MAMDC2: variants seen among roughly 807,000 people sequenced by gnomAD.
MAMDC2 encodes MAM domain-containing protein 2.
Under a neutral mutation model 89.8 loss-of-function variants are expected in MAMDC2, and 57 were observed. That is an observed-to-expected ratio of 0.63 (90% CI 0.51 to 0.79). MAMDC2 has a LOEUF of 0.79. Among genes scored for constraint, MAMDC2 ranks in the 30% least tolerant of loss-of-function variants. The probability of loss-of-function intolerance (pLI) is 0.00; values close to 1 mark genes in which losing one functional copy is unlikely to be tolerated. For missense variants in MAMDC2, 800 were observed against 820.6 expected, an observed-to-expected ratio of 0.97 and a Z score of 0.31; for synonymous variants, 313 against 293.4, an observed-to-expected ratio of 1.07 and a Z score of -0.68.
chr9:70,203,094 C>T (rs1224651793), intron 11 of MAMDC2, among the ~76,000 whole-genome samples: 1 of 151,848 alleles, frequency 6.6e-6, no homozygotes, highest in Non-Finnish European at 1.5e-5. Flanking sequence ...TTGATCCTGT[C>T]ATTATGATGT....
At chr9:70,073,228 A>G (rs1587445493) in intron 2 of MAMDC2, among the ~76,000 whole-genome samples, 1 of 152,374 alleles carries the variant, frequency 6.6e-6, no homozygotes, top group African/African-American at 2.4e-5. Flanking sequence ...TGTCTTGCCA[A>G]GCTTAAATAT....
intron 9 of MAMDC2, among the ~76,000 whole-genome samples, chr9:70,156,679 A>T (rs1227915381): frequency 6.6e-6 from 1 of 152,252 alleles, no homozygotes; most frequent in Non-Finnish European, 1.5e-5. Context: ...AAGTGGAATA[A>T]GTTTTCATGT....
chr9:70,184,870 C>T lies in MAMDC2; in HGVS notation c.1651+14239C>T, dbSNP rs149078494. 2.0e-3 allele frequency among the ~76,000 whole-genome samples: 301 copies of T among 152,120 alleles called. 1 individual carries two copies. Among genetic ancestry groups the T allele is most frequent in the African/African-American group, 7.0e-3 (289 of 41,500 alleles). On this transcript the variant is annotated intron_variant, in intron 11 of 13. Transcript: ENST00000377182. The stretch of plus-strand genomic sequence containing the variant: ...GAATTTATTACCTATCTTCTGAAGC[C>T]GACTTTTGTCAATTTGTCAAACTCA...
At chr9:70,197,056 T>A (rs1347549557) in intron 11 of MAMDC2, among the ~76,000 whole-genome samples, 2 of 66,078 alleles carry the variant, frequency 3.0e-5, no homozygotes, top group Admixed American at 4.1e-4. Flanking sequence ...AAAAATGAAA[T>A]GAAAATGTTC....
At chr9:70,156,062 C>A (rs898299670) in intron 9 of MAMDC2, among the ~76,000 whole-genome samples, 1 of 152,130 alleles carries the variant, frequency 6.6e-6, no homozygotes, top group Non-Finnish European at 1.5e-5. Flanking sequence ...ACTTCTAGGT[C>A]TCTTCTACCT....
chr9:70,100,005 A>AGAGAGC (rs763907278), intron 2 of MAMDC2, among the ~76,000 whole-genome samples: 45 of 133,476 alleles, frequency 3.4e-4, no homozygotes, highest in Admixed American at 2.4e-3. Flanking sequence ...AGAGAGAGAG[A>AGAGAGC]GAGAGAGAGA....
intron 11 of MAMDC2, among the ~76,000 whole-genome samples, chr9:70,209,607 T>TC (rs1250849320): frequency 6.6e-6 from 1 of 152,002 alleles, no homozygotes; most frequent in East Asian, 1.9e-4. Context: ...CTGATTTTTT[T>TC]GAAGGGTCTT....
At chr9:70,084,190 T>C (rs980765395) in intron 2 of MAMDC2, among the ~76,000 whole-genome samples, 2 of 152,076 alleles carry the variant, frequency 1.3e-5, no homozygotes, top group African/African-American at 4.8e-5. Flanking sequence ...AACCCTTAAA[T>C]CTCTCACTCA....
chr9:70,149,822 A>T (rs148699412), intron 9 of MAMDC2, among the ~76,000 whole-genome samples: 1 of 152,340 alleles, frequency 6.6e-6, no homozygotes, highest in Admixed American at 6.5e-5. Context: ...GAGAGCAATA[A>T]GAAAGACCGT....
At chr9:70,129,459 T>C (rs1435958739) in intron 6 of MAMDC2, among the ~76,000 whole-genome samples, 2 of 152,128 alleles carry the variant, frequency 1.3e-5, no homozygotes, top group South Asian at 2.1e-4. Flanking sequence ...ATCAGCAGCA[T>C]TGAAACAGAC....
At chr9:70,128,035 C>A (rs1316110604) in intron 6 of MAMDC2, among the ~76,000 whole-genome samples, 1 of 152,164 alleles carries the variant, frequency 6.6e-6, no homozygotes, top group Non-Finnish European at 1.5e-5. Context: ...AATACACATC[C>A]TTTGGGTCAA....
chr9:70,055,766 C>T (rs1467717629), intron 2 of MAMDC2, among the ~76,000 whole-genome samples: 4 of 152,202 alleles, frequency 2.6e-5, no homozygotes, highest in African/African-American at 9.6e-5. Flanking sequence ...TCTCAATCCT[C>T]AGCATAATCT....
chr9:70,210,454 C>G (rs1411536504), intron 11 of MAMDC2, among the ~76,000 whole-genome samples: 1 of 152,140 alleles, frequency 6.6e-6, no homozygotes, highest in African/African-American at 2.4e-5. Context: ...AGGATTGCAA[C>G]CCCTGCCTTT....
chr9:70,211,919 A>G (rs935179760), intron 11 of MAMDC2, among the ~76,000 whole-genome samples: 7 of 152,248 alleles, frequency 4.6e-5, no homozygotes, highest in Admixed American at 2.6e-4. Context: ...CCTGGGTATC[A>G]GCAGCGGAGG....
chr9:70,224,442 A>G lies in MAMDC2; in HGVS notation c.1912-1308A>G, dbSNP rs920447648. On this transcript the variant is annotated intron_variant, in intron 12 of 13. Transcript: ENST00000377182. Reference sequence around the variant, plus strand: ...CCTGAGAACTAGAGAAGCCGATGGTATAACTATTAGTCTGCAGCCAAAGGC... The same window carrying G: ...CCTGAGAACTAGAGAAGCCGATGGTGTAACTATTAGTCTGCAGCCAAAGGC... Among the ~76,000 whole-genome samples, 58 of 152,154 alleles carry G rather than the reference A, an allele frequency of 3.8e-4. 4 individuals carry two copies. The highest frequency in any genetic ancestry group is 7.2e-5 in the African/African-American group (3 of 41,446).
At chr9:70,202,972 T>A (rs1174973130) in intron 11 of MAMDC2, among the ~76,000 whole-genome samples, 1 of 152,010 alleles carries the variant, frequency 6.6e-6, no homozygotes, top group Non-Finnish European at 1.5e-5. Flanking sequence ...ATGGGTTTCC[T>A]GAATACAGCA....
At chr9:70,166,276 T>TATACAC (rs1554677773) in intron 9 of MAMDC2, among the ~76,000 whole-genome samples, 16 of 139,146 alleles carry the variant, frequency 1.1e-4, no homozygotes, top group Non-Finnish European at 1.9e-4. Flanking sequence ...TATATATATA[T>TATACAC]ACACACACAC....
intron 2 of MAMDC2, among the ~76,000 whole-genome samples, chr9:70,059,219 C>T (rs1158976395): frequency 1.3e-5 from 2 of 152,112 alleles, no homozygotes; most frequent in Admixed American, 6.5e-5. Flanking sequence ...GGGATAAAGG[C>T]AGAGGAGTGA....
intron 11 of MAMDC2, among the ~76,000 whole-genome samples, chr9:70,171,543 A>C (rs1236196760): frequency 6.6e-6 from 1 of 152,194 alleles, no homozygotes; most frequent in Non-Finnish European, 1.5e-5. Context: ...CATAGAATGG[A>C]TCTTTCTCAC....
Sources: allele counts gnomAD v4.1 joint callset (sites outside exome capture counted in the v4.1 genomes callset), GRCh38; gene constraint gnomAD v4.1.1; transcripts MANE v1.5; gene names NCBI Gene and HGNC (gene_info 2026-07-23, HGNC 2026-07-21).